CLNK: variants seen among roughly 807,000 people sequenced by gnomAD.
CLNK encodes cytokine-dependent hematopoietic cell linker.
Under a neutral mutation model 68.6 loss-of-function variants are expected in CLNK, and 74 were observed. The observed-to-expected ratio is 1.08, with a 90% CI of 0.89 to 1.31. The LOEUF is 1.31. Among genes scored for constraint, CLNK ranks in the 50% most tolerant of loss-of-function variants. The pLI, the probability that CLNK is intolerant of heterozygous loss-of-function variation, is 0.00. For synonymous variants in CLNK, 198 were observed against 172.2 expected, an observed-to-expected ratio of 1.15 and a Z score of -1.17; for missense variants, 553 against 515.3, an observed-to-expected ratio of 1.07 and a Z score of -0.71.
At chr4:10,551,029 A>G (rs1052765007) in intron 8 of CLNK, among the ~76,000 whole-genome samples, 1 of 152,182 alleles carries the variant, frequency 6.6e-6, no homozygotes, top group African/African-American at 2.4e-5. Context: ...AAATGATTCG[A>G]GTGAGACTGC....
chr4:10,721,146 T>A, the CLNK span, among the ~76,000 whole-genome samples: 1 of 140,878 alleles, frequency 7.1e-6, no homozygotes, highest in Admixed American at 7.5e-5. Context: ...GACAGGTGGT[T>A]GCCAGGGACT....
intron 2 of CLNK, among the ~76,000 whole-genome samples, chr4:10,646,187 C>T (rs761497443): frequency 3.9e-5 from 6 of 152,026 alleles, no homozygotes; most frequent in Non-Finnish European, 8.8e-5. Context: ...CCTTGTATAC[C>T]TGTATCAAAA....
chr4:10,577,041 A>C (rs779859649), intron 4 of CLNK, among the ~76,000 whole-genome samples: 2 of 152,236 alleles, frequency 1.3e-5, no homozygotes, highest in Non-Finnish European at 2.9e-5. Flanking sequence ...CTGAACTGGA[A>C]GAATTCCCAG....
At chr4:10,633,801 T>C (rs1194806054) in intron 2 of CLNK, among the ~76,000 whole-genome samples, 2 of 152,254 alleles carry the variant, frequency 1.3e-5, no homozygotes, top group African/African-American at 2.4e-5. Flanking sequence ...GTGCTAGATA[T>C]TGTTATGCAC....
At chr4:10,692,563 A>G in the CLNK span, among the ~76,000 whole-genome samples, 1 of 152,218 alleles carries the variant, frequency 6.6e-6, no homozygotes, top group African/African-American at 2.4e-5. Context: ...ACAGACTAAG[A>G]TCCTAAGAAG....
intron 8 of CLNK, among the ~76,000 whole-genome samples, chr4:10,555,166 C>T (rs891115809): frequency 6.6e-6 from 1 of 151,986 alleles, no homozygotes; most frequent in Non-Finnish European, 1.5e-5. Flanking sequence ...TCAATCAGCT[C>T]GTGTTTCTGG....
intron 16 of CLNK, among the ~76,000 whole-genome samples, chr4:10,509,484 T>A (rs1717471003): frequency 1.3e-5 from 2 of 151,218 alleles, no homozygotes; most frequent in African/African-American, 4.9e-5. Flanking sequence ...CCTACCCAGC[T>A]CAGGCATTCT....
At chr4:10,674,170 C>T (rs1046943039) in intron 1 of CLNK, among the ~76,000 whole-genome samples, 1 of 152,066 alleles carries the variant, frequency 6.6e-6, no homozygotes, top group Non-Finnish European at 1.5e-5. Flanking sequence ...CAAGAGGAGA[C>T]CACACCCTAC....
At chr4:10,576,011 C>G (rs1004020963) in intron 4 of CLNK, among the ~76,000 whole-genome samples, 1 of 152,138 alleles carries the variant, frequency 6.6e-6, no homozygotes, top group Non-Finnish European at 1.5e-5. Context: ...AGTGGCAAGA[C>G]GTCAGGCTCC....
At chr4:10,496,661 C>T (rs1019309054) in intron 18 of CLNK, among the ~76,000 whole-genome samples, 3 of 152,104 alleles carry the variant, frequency 2.0e-5, no homozygotes, top group Admixed American at 6.5e-5. Context: ...TTTGTGGAAG[C>T]GAGGCATGAG....
chr4:10,495,923 G>A (rs145149614), intron 18 of CLNK, among the ~76,000 whole-genome samples: 2,025 of 152,274 alleles, frequency 0.013, 23 homozygotes, highest in South Asian at 0.027. Flanking sequence ...TGGCAGCCAC[G>A]GAAAGCTGGA....
the CLNK span, among the ~76,000 whole-genome samples, chr4:10,720,380 A>G: frequency 6.6e-6 from 1 of 152,154 alleles, no homozygotes; most frequent in African/African-American, 2.4e-5. Flanking sequence ...AATTATTTAA[A>G]GACTTCTCAA....
intron 15 of CLNK, chr4:10,517,512 C>G (rs544729936): frequency 6.6e-6 from 1 of 152,270 alleles, no homozygotes; most frequent in African/African-American, 2.4e-5. Flanking sequence ...AGATCCTAAC[C>G]AAGCGAAAGC....
intron 11 of CLNK, among the ~76,000 whole-genome samples, chr4:10,537,639 CTTTCTTTCTTTCTTTCTTT>C (rs1718824073): frequency 3.2e-5 from 2 of 62,710 alleles, no homozygotes; most frequent in African/African-American, 6.4e-5. Context: ...CTTTCTTTCT[CTTTCTTTCTTTCTTTCTTT>C]CTTTCTTTCT....
At chr4:10,513,408 CT>C in intron 16 of CLNK, 55 bp downstream of exon 16, 1 of 1,544,912 alleles carries the variant, frequency 6.5e-7, no homozygotes. Flanking sequence ...TTCAGGAAAG[CT>C]CTATTTAGAT....
intron 7 of CLNK, 33 bp from the exon 8 acceptor site, chr4:10,558,485 C>A: frequency 6.2e-7 from 1 of 1,602,042 alleles, no homozygotes; most frequent in Non-Finnish European, 8.6e-7. Flanking sequence ...ATTATCTCTT[C>A]AGTTGTGACT....
At chr4:10,555,133 G>C (rs1047319260) in intron 8 of CLNK, among the ~76,000 whole-genome samples, 14 of 152,180 alleles carry the variant, frequency 9.2e-5, no homozygotes, top group African/African-American at 2.7e-4. Flanking sequence ...ATGGCATTTT[G>C]TGGAATTCTA....
Position 10,490,489 on chromosome 4 carries a change from G to A in CLNK, c.1265C>T (p.Thr422Ile), listed in dbSNP as rs759484863. The A allele has an allele frequency of 1.9e-6, 3 of 1,613,394 alleles. No individual in the cohort carries two copies. The highest frequency in any genetic ancestry group is 1.3e-5 in the African/African-American group (1 of 74,914). ...QCHLTQPLPLTRHLLPL is the reference protein window; with the variant it reads ...QCHLTQPLPLIRHLLPL ...AGGCTACAGAGGCAAGAGGTGTCTGGTGAGAGGGAGTGGCTGAGTGAGGTG... is the reference window on the plus strand; with the variant it reads ...AGGCTACAGAGGCAAGAGGTGTCTGATGAGAGGGAGTGGCTGAGTGAGGTG... Residue 422 changes from threonine to isoleucine, a missense_variant, in exon 19 of 19, where the codon ACC becomes ATC. Thr to Ile is a moderately conservative substitution (Grantham distance 89, BLOSUM62 -1). Transcript: ENST00000226951.
intron 3 of CLNK, among the ~76,000 whole-genome samples, chr4:10,591,808 A>C (rs1166111082): frequency 6.6e-6 from 1 of 152,256 alleles, no homozygotes; most frequent in East Asian, 1.9e-4. Context: ...GAATCAGGCC[A>C]AGGCTCATTT....
Sources: allele counts gnomAD v4.1 joint callset (sites outside exome capture counted in the v4.1 genomes callset), GRCh38; gene constraint gnomAD v4.1.1; transcripts MANE v1.5; gene names NCBI Gene and HGNC (gene_info 2026-07-23, HGNC 2026-07-21).